Variants in FLT1 observed in about 807,000 individuals in gnomAD.
FLT1 encodes the protein fms related receptor tyrosine kinase 1.
FLT1 carries 49 observed loss-of-function variants against 156.3 expected under a neutral mutation model. The observed-to-expected ratio is 0.31, with a 90% CI of 0.25 to 0.40. The LOEUF (loss-of-function observed/expected upper bound fraction) is 0.40. Ranked by LOEUF, FLT1 falls within the 10% of genes least tolerant of loss-of-function variation. The probability of loss-of-function intolerance (pLI) is 1.00; values close to 1 mark genes in which losing one functional copy is unlikely to be tolerated. For synonymous variants in FLT1, 594 were observed against 583.8 expected, an observed-to-expected ratio of 1.02 and a Z score of -0.25; for missense variants, 1,322 against 1,637.2, an observed-to-expected ratio of 0.81 and a Z score of 3.32.
At chr13:28,386,208 T>C in intron 13 of FLT1, 2 of 1,054,210 alleles carry the variant, frequency 1.9e-6, no homozygotes, top group Middle Eastern at 4.3e-4. Context: ...TAATTCCATG[T>C]CCCTGCAGGG....
At chr13:28,438,200 A>G (rs1453568736) in intron 4 of FLT1, 21 bp downstream of exon 4, 2 of 1,611,142 alleles carry the variant, frequency 1.2e-6, no homozygotes, top group African/African-American at 2.7e-5. Flanking sequence ...GTATGCTGAG[A>G]ATAGCGGTGT....
At chr13:28,399,111 G>C in intron 11 of FLT1, 1 of 1,549,836 alleles carries the variant, frequency 6.5e-7, no homozygotes, top group Non-Finnish European at 8.7e-7. Flanking sequence ...ACTGTTAGCT[G>C]GTGGAAGCTG....
chr13:28,366,671 A>G (rs541403633), intron 14 of FLT1, among the ~76,000 whole-genome samples: 1 of 152,000 alleles, frequency 6.6e-6, no homozygotes, highest in African/African-American at 2.4e-5. Context: ...GGGTTTCAAC[A>G]TGTTGGCCAT....
chr13:28,406,701 AGT>A (rs1875824042), intron 10 of FLT1, among the ~76,000 whole-genome samples: 1 of 152,048 alleles, frequency 6.6e-6, no homozygotes, highest in Non-Finnish European at 1.5e-5. Context: ...GCTAATGTGC[AGT>A]GGTGCAATCA....
At position 28,322,858 on chromosome 13, in the gene FLT1, C is replaced by T; in HGVS notation, c.2885G>A (p.Ser962Asn). 1 of 1,614,166 alleles carries T rather than the reference C, an allele frequency of 6.2e-7. No individual in the cohort carries two copies. The highest frequency in any genetic ancestry group is 8.5e-7 in the Non-Finnish European group (1 of 1,179,998). ...GCCGGAGCTCGCAAAGCTTTCGCTG[C>T]TGGTGACGCTATCTAGTCTTGGTTT... ...GKKPRLDSVT[S>N]SESFASSGFQ... The change falls in exon 21 of 30, where the codon AGC (serine) becomes AAC (asparagine). Residue 962 changes from serine to asparagine, a missense_variant. By Grantham distance (46) the Ser-to-Asn change is conservative. Transcript: ENST00000282397. This position sits in a 1 kb window ranked among gnomAD's most constrained non-coding sequence, Gnocchi z 4.3.
intron 20 of FLT1, among the ~76,000 whole-genome samples, chr13:28,324,347 G>A (rs766764733): frequency 2.0e-5 from 3 of 152,034 alleles, no homozygotes; most frequent in Non-Finnish European, 4.4e-5. Context: ...ATCCTTCCTG[G>A]GCTTTTCTAG....
intron 1 of FLT1, among the ~76,000 whole-genome samples, chr13:28,478,275 C>T (rs1566054194): frequency 6.6e-6 from 1 of 152,152 alleles, no homozygotes; most frequent in African/African-American, 2.4e-5. Context: ...GCATGTGACT[C>T]GCAATCTAAA....
At chr13:28,385,619 A>T (rs1438798571) in intron 13 of FLT1, 9 of 1,015,662 alleles carry the variant, frequency 8.9e-6, no homozygotes, top group Non-Finnish European at 1.1e-5. Context: ...GCAACCAAAG[A>T]ATTAATTCAA....
At chr13:28,458,371 G>A (rs866147182) in intron 3 of FLT1, among the ~76,000 whole-genome samples, 4 of 152,110 alleles carry the variant, frequency 2.6e-5, no homozygotes, top group African/African-American at 7.2e-5. Context: ...GTATAACTGC[G>A]TCGTTGCTAG....
intron 12 of FLT1, among the ~76,000 whole-genome samples, chr13:28,392,476 T>C (rs1874798012): frequency 6.6e-6 from 1 of 152,202 alleles, no homozygotes; most frequent in East Asian, 1.9e-4. Context: ...AATCAACTCT[T>C]ACAAGACCAC....
chr13:28,332,004 T>C (rs1314357981), intron 18 of FLT1, among the ~76,000 whole-genome samples: 3 of 152,190 alleles, frequency 2.0e-5, no homozygotes, highest in South Asian at 2.1e-4. Flanking sequence ...GACAGGAGGA[T>C]TGCTTGAGCC....
chr13:28,314,046 G>C (rs1384827421), intron 25 of FLT1, among the ~76,000 whole-genome samples: 1 of 152,078 alleles, frequency 6.6e-6, no homozygotes, highest in Non-Finnish European at 1.5e-5. Flanking sequence ...AAAAATACAA[G>C]AATTAGTCAA....
At position 28,375,326 on chromosome 13, in the gene FLT1, C is replaced by T. The variant is rs554570319; in HGVS notation, c.2116+9559G>A. Reference sequence around the variant, plus strand: ...CACTGTACTTTTCAATCTCATTGAACTAGCCAAACATTAACAAGTAATTGC... The same window carrying T: ...CACTGTACTTTTCAATCTCATTGAATTAGCCAAACATTAACAAGTAATTGC... On this transcript the variant is annotated intron_variant, in intron 14 of 29. Coordinates refer to ENST00000282397, the MANE Select transcript of FLT1 (RefSeq NM_002019.4). 6.9e-4 allele frequency among the ~76,000 whole-genome samples: 105 copies of T among 152,298 alleles called. 1 individual carries two copies. In the Middle Eastern group the frequency reaches 0.034, roughly 49 times the overall value.
At chr13:28,418,121 G>A (rs567137580) in intron 10 of FLT1, among the ~76,000 whole-genome samples, 4 of 152,116 alleles carry the variant, frequency 2.6e-5, no homozygotes, top group Admixed American at 6.5e-5. Context: ...AGGACAATAC[G>A]AATAGGGGAA....
At chr13:28,489,142 C>T (rs1881339364) in intron 1 of FLT1, among the ~76,000 whole-genome samples, 1 of 152,158 alleles carries the variant, frequency 6.6e-6, no homozygotes, top group Non-Finnish European at 1.5e-5. Context: ...TAGCTGATCT[C>T]ATACATCTCA....
At chr13:28,478,709 C>G (rs1005255719) in intron 1 of FLT1, among the ~76,000 whole-genome samples, 3 of 152,108 alleles carry the variant, frequency 2.0e-5, no homozygotes, top group Non-Finnish European at 4.4e-5. Flanking sequence ...CATATTGTTC[C>G]AGTTTCTATT....
chr13:28,401,046 C>T (rs879353040), intron 11 of FLT1, among the ~76,000 whole-genome samples: 4 of 152,012 alleles, frequency 2.6e-5, no homozygotes, highest in African/African-American at 4.8e-5. Flanking sequence ...GCTAACAAGA[C>T]GAAACCCTGT....
chr13:28,443,080 C>CAGGG (rs1878422991), intron 3 of FLT1, among the ~76,000 whole-genome samples: 1 of 152,172 alleles, frequency 6.6e-6, no homozygotes, highest in Non-Finnish European at 1.5e-5. Context: ...ACACTGTCAC[C>CAGGG]AGGGACTCAT....
intron 11 of FLT1, among the ~76,000 whole-genome samples, chr13:28,398,232 G>A (rs904065955): frequency 2.6e-5 from 4 of 152,180 alleles, no homozygotes; most frequent in African/African-American, 9.6e-5. Context: ...AAAATAACTG[G>A]TTATGGGCTT....
Sources: allele counts gnomAD v4.1 joint callset (sites outside exome capture counted in the v4.1 genomes callset), GRCh38; gene constraint gnomAD v4.1.1; non-coding constraint Gnocchi (gnomAD v3.1); transcripts MANE v1.5; gene names NCBI Gene and HGNC (gene_info 2026-07-23, HGNC 2026-07-21).